The following GPAT3 variants were observed in gnomAD, a reference collection of about 807,000 sequenced individuals.
GPAT3 encodes the protein 1-AGP acyltransferase 9.
Under a neutral mutation model 58.8 loss-of-function variants are expected in GPAT3, and 53 were observed. That is an observed-to-expected ratio of 0.90 (90% CI 0.72 to 1.13). The LOEUF (loss-of-function observed/expected upper bound fraction) is 1.13. Ranked by LOEUF, GPAT3 falls within the 50% of genes most tolerant of loss-of-function variation. GPAT3 has a pLI of 0.00. For synonymous variants in GPAT3, 197 were observed against 187.4 expected (o/e 1.05, Z -0.42); for missense variants, 511 against 527.6 (o/e 0.97, Z 0.31).
At chr4:83,546,558 T>C (rs1724520017) in intron 2 of GPAT3, among the ~76,000 whole-genome samples, 1 of 152,162 alleles carries the variant, frequency 6.6e-6, no homozygotes, top group South Asian at 2.1e-4. Context: ...ATAGAAATCA[T>C]AGTATTTTAG....
At chr4:83,546,379 GTTTTTT>G (rs373055285) in intron 2 of GPAT3, among the ~76,000 whole-genome samples, 1 of 136,126 alleles carries the variant, frequency 7.3e-6, no homozygotes, top group Non-Finnish European at 1.6e-5. Context: ...CGTGGATTTA[GTTTTTT>G]TTTTTTTTTT....
At chr4:83,540,027 G>A (rs976687615) in intron 1 of GPAT3, among the ~76,000 whole-genome samples, 7 of 152,026 alleles carry the variant, frequency 4.6e-5, no homozygotes, top group African/African-American at 1.7e-4. Flanking sequence ...GCATGGTGGT[G>A]TGCACCTGTA....
intron 2 of GPAT3, among the ~76,000 whole-genome samples, chr4:83,579,095 C>T (rs1223631258): frequency 3.8e-5 from 4 of 104,078 alleles, no homozygotes; most frequent in East Asian, 3.1e-4. Context: ...TCCTTCCTTC[C>T]TTCCTTCCTT....
intron 5 of GPAT3, 110 bp from the exon 6 acceptor site, chr4:83,590,087 GAA>G: frequency 2.2e-6 from 2 of 894,278 alleles, no homozygotes; most frequent in Non-Finnish European, 1.6e-6. Context: ...AGTGAGACGC[GAA>G]AAAAAAAATT....
intron 11 of GPAT3, among the ~76,000 whole-genome samples, chr4:83,599,529 T>C (rs1196746072): frequency 6.6e-6 from 1 of 152,200 alleles, no homozygotes. Context: ...TAGGGTTCTT[T>C]TTCTTATGAA....
At chr4:83,585,419 A>G (rs1195954859) in intron 3 of GPAT3, among the ~76,000 whole-genome samples, 1 of 151,112 alleles carries the variant, frequency 6.6e-6, no homozygotes, top group Non-Finnish European at 1.5e-5. Flanking sequence ...TTGCAACATT[A>G]ATATAATTTC....
At position 83,598,705 on chromosome 4, in the gene GPAT3, GCCTGA is replaced by G. The variant is rs1726942243; in HGVS notation, c.1189_1193del (p.Leu397Ter). On this transcript the variant is annotated frameshift_variant, in exon 11 of 12. Transcript: ENST00000264409. LOFTEE classifies it high-confidence loss of function. Reference sequence around the variant, plus strand: ...AAGTCTGCTATTGCTATACAAGGAGGCCTGACTGAACTTCCCTGGTAAGAGAACTT... The same window carrying G: ...AAGTCTGCTATTGCTATACAAGGAGGCTGAACTTCCCTGGTAAGAGAACTT... The G allele has an allele frequency of 1.9e-6, 3 of 1,551,060 alleles. No homozygotes were observed. In the African/African-American group the frequency reaches 4.3e-5, roughly 22 times the overall value.
intron 3 of GPAT3, among the ~76,000 whole-genome samples, chr4:83,583,667 G>GAAAAAAAAAAAAAAA: frequency 4.3e-5 from 1 of 23,478 alleles, no homozygotes; most frequent in African/African-American, 1.9e-4. Flanking sequence ...ACTCTTGTCT[G>GAAAAAAAAAAAAAAA]AAAAAAAAAA....
intron 3 of GPAT3, among the ~76,000 whole-genome samples, chr4:83,583,380 G>A (rs812448): frequency 6.6e-6 from 1 of 151,182 alleles, no homozygotes; most frequent in Admixed American, 6.6e-5. Flanking sequence ...TTCTTAAAAA[G>A]AAAAAGCCCA....
At chr4:83,538,481 C>G (rs927556872) in intron 1 of GPAT3, among the ~76,000 whole-genome samples, 1 of 152,196 alleles carries the variant, frequency 6.6e-6, no homozygotes, top group Admixed American at 6.5e-5. Context: ...CTGGTGTTCC[C>G]TCTTTCTCTG....
At chr4:83,579,057 T>C (rs531057388) in intron 2 of GPAT3, among the ~76,000 whole-genome samples, 2,974 of 45,140 alleles carry the variant, frequency 0.066, 281 homozygotes, top group Non-Finnish European at 0.087. Flanking sequence ...TTTCTTTCTT[T>C]CTTTCTTTCT....
intron 2 of GPAT3, among the ~76,000 whole-genome samples, chr4:83,571,699 CACACACACATATATAT>C (rs1232383552): frequency 9.9e-6 from 1 of 100,998 alleles, no homozygotes; most frequent in Non-Finnish European, 2.5e-5. Flanking sequence ...TATATATATA[CACACACACATATATAT>C]ACACACACAT....
chr4:83,563,478 CTTTT>C (rs908400401), intron 2 of GPAT3, among the ~76,000 whole-genome samples: 1 of 114,450 alleles, frequency 8.7e-6, no homozygotes, highest in African/African-American at 3.1e-5. Context: ...TTTCTTTCTT[CTTTT>C]TTTTTTTTTT....
At chr4:83,575,564 C>T (rs1725781391) in intron 2 of GPAT3, among the ~76,000 whole-genome samples, 1 of 152,246 alleles carries the variant, frequency 6.6e-6, no homozygotes, top group South Asian at 2.1e-4. Context: ...AGGTGCCCAC[C>T]ACCACGCCTG....
At chr4:83,560,004 T>G (rs576456418) in intron 2 of GPAT3, among the ~76,000 whole-genome samples, 1 of 152,260 alleles carries the variant, frequency 6.6e-6, no homozygotes, top group Non-Finnish European at 1.5e-5. Flanking sequence ...AGGCAAAACC[T>G]TTAGGCAGGA....
chr4:83,583,553 A>G (rs1226351193), intron 3 of GPAT3, among the ~76,000 whole-genome samples: 1 of 150,080 alleles, frequency 6.7e-6, no homozygotes, highest in African/African-American at 2.5e-5. Context: ...TTGTAGTCCC[A>G]GCTACTTGGG....
At chr4:83,556,180 T>A (rs1236206826) in intron 2 of GPAT3, among the ~76,000 whole-genome samples, 5 of 152,344 alleles carry the variant, frequency 3.3e-5, no homozygotes, top group African/African-American at 1.2e-4. Context: ...GCTGTGGGAT[T>A]TCTTGTTTAA....
chr4:83,603,329 G>A (rs771688565), intron 11 of GPAT3, among the ~76,000 whole-genome samples: 3 of 152,264 alleles, frequency 2.0e-5, no homozygotes, highest in Non-Finnish European at 2.9e-5. Context: ...TTATACCCAG[G>A]CAGGCACCCT....
chr4:83,537,128 C>G (rs1484740026), intron 1 of GPAT3, among the ~76,000 whole-genome samples: 4 of 152,176 alleles, frequency 2.6e-5, no homozygotes, highest in African/African-American at 9.7e-5. Flanking sequence ...CCGCTTCACC[C>G]GCTTGTTTTT....
Sources: gnomAD v4.1 joint callset for allele counts (sites outside exome capture counted in the v4.1 genomes callset) on GRCh38, gnomAD v4.1.1 for gene constraint, MANE v1.5 for transcripts, NCBI Gene and HGNC (gene_info 2026-07-23, HGNC 2026-07-21) for gene names.